The following RERE variants were observed in gnomAD, a reference collection of about 807,000 sequenced individuals.
RERE encodes arginine-glutamic acid dipeptide repeats.
A neutral mutation model predicts 146.1 loss-of-function variants in RERE; 40 were observed. The ratio of observed to expected loss-of-function variants is 0.27; its 90% confidence interval spans 0.21 to 0.36. RERE has a LOEUF of 0.36. Ranked by LOEUF, RERE falls within the 10% of genes least tolerant of loss-of-function variation. The pLI, the probability that RERE is intolerant of heterozygous loss-of-function variation, is 1.00. For missense variants in RERE, 1,933 were observed against 2,138.7 expected (o/e 0.90, Z 1.90); for synonymous variants, 1,003 against 866.0 (o/e 1.16, Z -2.78).
intron 1 of RERE, chr1:8,703,107 CG>C (rs1045657347): frequency 2.6e-5 from 4 of 152,134 alleles, no homozygotes; most frequent in African/African-American, 9.6e-5. Flanking sequence ...CCTCCTCCTC[CG>C]GCGCAGGGCC....
At chr1:8,655,488 G>A (rs1638257460) in intron 2 of RERE, among the ~76,000 whole-genome samples, 1 of 152,198 alleles carries the variant, frequency 6.6e-6, no homozygotes, top group Non-Finnish European at 1.5e-5. Context: ...TTGCAGGCGT[G>A]AGCCACCATG....
chr1:8,427,301 C>A (rs1164134164), intron 11 of RERE, among the ~76,000 whole-genome samples: 1 of 152,174 alleles, frequency 6.6e-6, no homozygotes, highest in Non-Finnish European at 1.5e-5. Context: ...TAGTTTTGCT[C>A]ATACCACTTG....
chr1:8,686,744 C>A (rs1250505708), intron 1 of RERE, among the ~76,000 whole-genome samples: 7 of 151,552 alleles, frequency 4.6e-5, no homozygotes, highest in African/African-American at 1.7e-4. Context: ...GAGCGAAACT[C>A]AGTCTCAAAA....
intron 2 of RERE, among the ~76,000 whole-genome samples, chr1:8,649,378 C>T (rs1196853599): frequency 6.6e-6 from 1 of 152,138 alleles, no homozygotes; most frequent in Non-Finnish European, 1.5e-5. Context: ...ATTTTAACAT[C>T]ATCAATGAGT....
In RERE at chr1:8,361,251, G is replaced by C. The variant is rs765527793; in HGVS notation, c.2256C>G (p.Ser752=). ...GCTGAGGGGTCCCTGGAGGAGCTGA[G>C]GAGGGAGCTGGGGTGACCCCAGTGG... ...QAPTGVTPAP[S]SAPPGTPQLP... is the part of the protein sequence containing the mutation. The change falls in exon 18 of 23, where the codon TCC becomes TCG. Residue 752 remains serine, a synonymous_variant. Coordinates refer to ENST00000400908, the MANE Select transcript of RERE (RefSeq NM_001042681.2). 60 of 1,568,066 alleles carry C rather than the reference G, an allele frequency of 3.8e-5. No individual in the cohort carries two copies. Among genetic ancestry groups the C allele is most frequent in the Non-Finnish European group, 5.0e-5 (58 of 1,159,168 alleles).
chr1:8,600,056 C>A (rs986158202), intron 4 of RERE, among the ~76,000 whole-genome samples: 1 of 152,168 alleles, frequency 6.6e-6, no homozygotes, highest in African/African-American at 2.4e-5. Flanking sequence ...CGGTTTCCCT[C>A]ACACTGTTCT....
intron 4 of RERE, among the ~76,000 whole-genome samples, chr1:8,571,021 T>C (rs948375059): frequency 6.6e-6 from 1 of 152,164 alleles, no homozygotes. Flanking sequence ...ATAAAAGAAA[T>C]ATTTAAAGCT....
At chr1:8,773,283 A>C (rs1640991092) in intron 1 of RERE, among the ~76,000 whole-genome samples, 2 of 152,224 alleles carry the variant, frequency 1.3e-5, no homozygotes, top group African/African-American at 2.4e-5. Context: ...CTAAATAGAG[A>C]TGTTCAAGAA....
At chr1:8,717,313 G>A (rs1639783810) in intron 1 of RERE, among the ~76,000 whole-genome samples, 2 of 152,156 alleles carry the variant, frequency 1.3e-5, no homozygotes, top group South Asian at 4.1e-4. Flanking sequence ...GTCAACAGTG[G>A]TAGTTTTCAG....
intron 7 of RERE, chr1:8,519,816 C>A (rs1645467850): frequency 6.6e-6 from 1 of 152,050 alleles, no homozygotes; most frequent in Non-Finnish European, 1.5e-5. Context: ...CGGGTAAGAA[C>A]TAAAACTGGT....
intron 1 of RERE, among the ~76,000 whole-genome samples, chr1:8,808,686 C>T (rs1022679675): frequency 6.6e-6 from 1 of 151,142 alleles, no homozygotes. Context: ...TCTGCAATAG[C>T]ATAATAGTTA....
In RERE at chr1:8,541,243, GA is replaced by G; in HGVS notation, c.800del (p.Phe267SerfsTer4). On this transcript the variant is annotated frameshift_variant, in exon 7 of 23. Transcript: ENST00000400908. LOFTEE classifies it high-confidence loss of function. ...REFKARVDSF[F>X]YILGYNPETR... ...TCTCAGGGTTATATCCTAATATGTA[GA>G]AAAATGAATCCACTCGGGCTTTAAA... The G allele has an allele frequency of 6.2e-7, 1 of 1,607,576 alleles. No homozygotes were observed. The highest frequency in any genetic ancestry group is 1.1e-5 in the South Asian group (1 of 90,826).
chr1:8,399,829 C>T (rs1643187110), intron 12 of RERE, among the ~76,000 whole-genome samples: 1 of 150,508 alleles, frequency 6.6e-6, no homozygotes, highest in African/African-American at 2.4e-5. Flanking sequence ...AAAGAATTTG[C>T]ATATCATTTG....
chr1:8,506,179 G>A (rs1413412527), intron 8 of RERE, among the ~76,000 whole-genome samples: 4 of 152,218 alleles, frequency 2.6e-5, no homozygotes, highest in African/African-American at 7.2e-5. Flanking sequence ...GAGAATGGGA[G>A]ACGAAACTGA....
intron 11 of RERE, among the ~76,000 whole-genome samples, chr1:8,460,095 T>C (rs1307038068): frequency 6.6e-6 from 1 of 152,226 alleles, no homozygotes. Flanking sequence ...CCTGCTGCTA[T>C]TGGATCTTAA....
chr1:8,629,067 G>A (rs546581250), intron 2 of RERE, among the ~76,000 whole-genome samples: 3 of 152,272 alleles, frequency 2.0e-5, no homozygotes, highest in African/African-American at 7.2e-5. Flanking sequence ...TTGAGCAAAC[G>A]GTTTTGGCAG....
In RERE at chr1:8,609,814, T is replaced by C. The variant is rs565040963; in HGVS notation, c.522+4747A>G. On this transcript the variant is annotated intron_variant, in intron 4 of 22. Coordinates refer to ENST00000400908, the MANE Select transcript of RERE (RefSeq NM_001042681.2). The stretch of plus-strand genomic sequence containing the variant: ...TGTTAGAAGTGATACTTACTAATGG[T>C]AAGTGCCTTACTTCAGCAAAAATAA... 6.0e-4 allele frequency among the ~76,000 whole-genome samples: 92 copies of C among 152,326 alleles called. 1 individual carries two copies. The highest frequency in any genetic ancestry group is 2.2e-3 in the African/African-American group (90 of 41,576).
intron 4 of RERE, among the ~76,000 whole-genome samples, chr1:8,575,003 C>G (rs1197477840): frequency 6.6e-6 from 1 of 152,186 alleles, no homozygotes; most frequent in Non-Finnish European, 1.5e-5. Context: ...AATTTACATA[C>G]ACATATACAC....
chr1:8,638,598 C>T (rs921503066), intron 2 of RERE, among the ~76,000 whole-genome samples: 1 of 152,146 alleles, frequency 6.6e-6, no homozygotes, highest in Non-Finnish European at 1.5e-5. Flanking sequence ...CATCACAAAA[C>T]TGCGAATAGC....
Sources: allele counts gnomAD v4.1 joint callset (sites outside exome capture counted in the v4.1 genomes callset), GRCh38; gene constraint gnomAD v4.1.1; transcripts MANE v1.5; gene names NCBI Gene and HGNC (gene_info 2026-07-23, HGNC 2026-07-21).